Variants in NKAIN2 observed in about 807,000 individuals in gnomAD.
The protein encoded by NKAIN2 is sodium/potassium transporting ATPase interacting 2.
In NKAIN2, 14 loss-of-function variants were observed where a neutral mutation model predicts 32.6. That is an observed-to-expected ratio of 0.43 (90% CI 0.28 to 0.67). NKAIN2 has a LOEUF of 0.67. Ranked by LOEUF, NKAIN2 falls within the 30% of genes least tolerant of loss-of-function variation. The pLI, the probability that NKAIN2 is intolerant of heterozygous loss-of-function variation, is 0.17. For missense variants in NKAIN2, 198 were observed against 258.3 expected (o/e 0.77, Z 1.60); for synonymous variants, 80 against 87.2 (o/e 0.92, Z 0.46).
Position 124,434,794 on chromosome 6 carries a change from G to A in NKAIN2, c.273+79447G>A, listed in dbSNP as rs115868326. ...AGATCTTTCCTTAATAGCAGTATAA[G>A]TTTTGAGGCTGCCCAAGCCATGCCT... is the stretch of plus-strand genomic sequence containing the variant. On this transcript the variant is annotated intron_variant, in intron 3 of 6. Coordinates refer to ENST00000368417, the MANE Select transcript of NKAIN2 (RefSeq NM_001040214.3). 7.3e-3 allele frequency among the ~76,000 whole-genome samples: 1,113 copies of A among 152,280 alleles called. 8 individuals are homozygous for A. The highest frequency in any genetic ancestry group is 0.026 in the African/African-American group (1,073 of 41,562).
chr6:123,921,366 A>T (rs1300206709), intron 1 of NKAIN2, among the ~76,000 whole-genome samples: 1 of 152,222 alleles, frequency 6.6e-6, no homozygotes, highest in East Asian at 1.9e-4. Flanking sequence ...TGATTCTGGA[A>T]TAATTTTCTG....
chr6:124,150,480 T>C (rs1048391653), intron 1 of NKAIN2, among the ~76,000 whole-genome samples: 3 of 152,172 alleles, frequency 2.0e-5, no homozygotes, highest in Non-Finnish European at 4.4e-5. Context: ...GCCTTATACA[T>C]TAATGATATT....
chr6:124,331,999 G>T (rs1410099840), intron 2 of NKAIN2, among the ~76,000 whole-genome samples: 1 of 151,974 alleles, frequency 6.6e-6, no homozygotes, highest in Non-Finnish European at 1.5e-5. Context: ...AGTAAATTTG[G>T]CCCTAGGGTG....
intron 3 of NKAIN2, among the ~76,000 whole-genome samples, chr6:124,533,389 G>A (rs555816503): frequency 2.5e-3 from 375 of 150,012 alleles, no homozygotes; most frequent in African/African-American, 8.2e-3. Context: ...GGAGAATGGC[G>A]TGAACCCGGG....
At chr6:124,733,738 T>C (rs1776798517) in intron 4 of NKAIN2, among the ~76,000 whole-genome samples, 1 of 151,774 alleles carries the variant, frequency 6.6e-6, no homozygotes, top group Non-Finnish European at 1.5e-5. Context: ...TGAATATAGA[T>C]GCATATAGTT....
At chr6:124,148,855 G>A (rs2114378752) in intron 1 of NKAIN2, among the ~76,000 whole-genome samples, 1 of 152,288 alleles carries the variant, frequency 6.6e-6, no homozygotes, top group Non-Finnish European at 1.5e-5. Flanking sequence ...TGGCAACTGT[G>A]TTTAACAATT....
intron 5 of NKAIN2, among the ~76,000 whole-genome samples, chr6:124,792,418 ATAATT>A (rs543581109): frequency 5.7e-4 from 87 of 152,288 alleles, no homozygotes; most frequent in Non-Finnish European, 1.0e-3. Context: ...TATACAGTAT[ATAATT>A]TATTTCATAT....
intron 4 of NKAIN2, among the ~76,000 whole-genome samples, chr6:124,737,177 C>G (rs978261091): frequency 6.6e-6 from 1 of 151,802 alleles, no homozygotes. Context: ...CCACCCAAAT[C>G]TCATCTTGAA....
At chr6:123,897,161 A>T (rs932557310) in intron 1 of NKAIN2, among the ~76,000 whole-genome samples, 2 of 152,294 alleles carry the variant, frequency 1.3e-5, no homozygotes, top group Admixed American at 6.5e-5. Flanking sequence ...CCTATTGAAT[A>T]ATTTTAATCA....
At chr6:123,989,756 G>T (rs1779334859) in intron 1 of NKAIN2, among the ~76,000 whole-genome samples, 1 of 152,016 alleles carries the variant, frequency 6.6e-6, no homozygotes, top group South Asian at 2.1e-4. Context: ...ACAATTCCTT[G>T]TTGCAGAGAA....
intron 1 of NKAIN2, among the ~76,000 whole-genome samples, chr6:124,188,537 T>C (rs1789861085): frequency 6.6e-6 from 1 of 152,242 alleles, no homozygotes; most frequent in South Asian, 2.1e-4. Flanking sequence ...ATTGAATAAC[T>C]GGCCTAGGCA....
At chr6:124,561,765 G>A (rs1420499980) in intron 3 of NKAIN2, among the ~76,000 whole-genome samples, 5 of 152,072 alleles carry the variant, frequency 3.3e-5, no homozygotes, top group Admixed American at 6.6e-5. Context: ...TACTGTGTTC[G>A]GCTGAAATAG....
intron 1 of NKAIN2, among the ~76,000 whole-genome samples, chr6:124,060,096 A>G (rs1469125159): frequency 1.3e-5 from 2 of 152,170 alleles, no homozygotes; most frequent in Admixed American, 6.6e-5. Flanking sequence ...AGAGCAGGCA[A>G]GGATGTGCTC....
At chr6:124,413,916 A>T (rs1026356195) in intron 3 of NKAIN2, among the ~76,000 whole-genome samples, 12 of 152,154 alleles carry the variant, frequency 7.9e-5, no homozygotes, top group African/African-American at 2.9e-4. Flanking sequence ...TATTAGATCC[A>T]GAAGCACTTT....
intron 3 of NKAIN2, among the ~76,000 whole-genome samples, chr6:124,551,648 A>G (rs1780291925): frequency 6.6e-6 from 1 of 152,226 alleles, no homozygotes; most frequent in Admixed American, 6.5e-5. Flanking sequence ...GTGAGCTTCC[A>G]CAAGGTCACT....
At chr6:124,713,799 A>C (rs1775616257) in intron 4 of NKAIN2, among the ~76,000 whole-genome samples, 1 of 152,216 alleles carries the variant, frequency 6.6e-6, no homozygotes, top group Non-Finnish European at 1.5e-5. Flanking sequence ...AATATTTCCA[A>C]TTATCAGAAC....
chr6:124,499,771 G>C (rs1399961707), intron 3 of NKAIN2, among the ~76,000 whole-genome samples: 1 of 152,180 alleles, frequency 6.6e-6, no homozygotes, highest in Admixed American at 6.5e-5. Flanking sequence ...AAGGCTGTCT[G>C]AGCCAGGAAT....
chr6:123,824,167 C>A (rs766157040), intron 1 of NKAIN2, among the ~76,000 whole-genome samples: 17 of 152,094 alleles, frequency 1.1e-4, no homozygotes, highest in Non-Finnish European at 2.2e-4. Context: ...AACACATAGT[C>A]AGGATCCTGA....
intron 1 of NKAIN2, among the ~76,000 whole-genome samples, chr6:124,242,899 G>A (rs1430946184): frequency 6.6e-6 from 1 of 151,058 alleles, no homozygotes; most frequent in Admixed American, 6.6e-5. Context: ...GGGCTGGGGG[G>A]CTAGGGGAGG....
Sources: allele counts gnomAD v4.1 joint callset (sites outside exome capture counted in the v4.1 genomes callset), GRCh38; gene constraint gnomAD v4.1.1; transcripts MANE v1.5; gene names NCBI Gene and HGNC (gene_info 2026-07-23, HGNC 2026-07-21).